LRRC37A2: variants seen among roughly 807,000 people sequenced by gnomAD.
The protein encoded by LRRC37A2 is leucine rich repeat containing 37 member A2.
A neutral mutation model predicts 68.8 loss-of-function variants in LRRC37A2; 9 were observed. That is an observed-to-expected ratio of 0.13 (90% CI 0.08 to 0.23). The LOEUF (loss-of-function observed/expected upper bound fraction) is 0.23, where lower values mean the gene tolerates loss of function less well. Among genes scored for constraint, LRRC37A2 ranks in the 10% least tolerant of loss-of-function variants. The pLI is 1.00. For missense variants in LRRC37A2, 168 were observed against 950.4 expected (o/e 0.18, Z 10.82); for synonymous variants, 63 against 367.6 (o/e 0.17, Z 9.48).
the LRRC37A2 span, chr17:46,930,475 C>T: frequency 1.3e-5 from 2 of 152,334 alleles, no homozygotes; most frequent in Admixed American, 6.5e-5. Context: ...CCGTATTTAT[C>T]GTATCTCTTT....
the LRRC37A2 span, among the ~76,000 whole-genome samples, chr17:46,947,729 A>G: frequency 6.6e-6 from 1 of 152,216 alleles, no homozygotes; most frequent in Non-Finnish European, 1.5e-5. Flanking sequence ...AAGTGGTAGC[A>G]AAAGTGCCTG....
the LRRC37A2 span, among the ~76,000 whole-genome samples, chr17:46,892,322 T>C: frequency 6.6e-5 from 10 of 152,160 alleles, no homozygotes; most frequent in African/African-American, 1.7e-4. Flanking sequence ...CCCAGACCCA[T>C]ACCTCCAATG....
chr17:46,785,352 G>A, the LRRC37A2 span, among the ~76,000 whole-genome samples: 30 of 152,208 alleles, frequency 2.0e-4, no homozygotes, highest in Non-Finnish European at 3.4e-4. Flanking sequence ...GAGTGCAGCA[G>A]GAACAGAAAG....
At chr17:46,773,529 G>T in the LRRC37A2 span, 2 of 989,524 alleles carry the variant, frequency 2.0e-6, no homozygotes, top group Non-Finnish European at 1.5e-6. Flanking sequence ...AGGTGTGGCA[G>T]TCATGCAACC....
At chr17:46,804,141 G>A in the LRRC37A2 span, among the ~76,000 whole-genome samples, 1 of 152,026 alleles carries the variant, frequency 6.6e-6, no homozygotes, top group South Asian at 2.1e-4. Flanking sequence ...AGGCTGGAGT[G>A]CAGTGGTGTG....
At chr17:46,680,213 CT>C in the LRRC37A2 span, among the ~76,000 whole-genome samples, 1 of 150,220 alleles carries the variant, frequency 6.7e-6, no homozygotes, top group African/African-American at 2.5e-5. Flanking sequence ...TGAAGATTTA[CT>C]TTTATCACAT....
the LRRC37A2 span, among the ~76,000 whole-genome samples, chr17:46,953,585 A>G: frequency 6.6e-5 from 10 of 152,316 alleles, no homozygotes; most frequent in African/African-American, 2.4e-4. Flanking sequence ...GCTGGGTCAA[A>G]TGGTATTTCT....
chr17:46,773,644 C>T, the LRRC37A2 span: 1 of 1,285,716 alleles, frequency 7.8e-7, no homozygotes, highest in Admixed American at 2.0e-5. Context: ...AGCCCCTCCC[C>T]CCCCCTCAGC....
At chr17:46,883,876 C>T in the LRRC37A2 span, among the ~76,000 whole-genome samples, 1 of 152,198 alleles carries the variant, frequency 6.6e-6, no homozygotes, top group Non-Finnish European at 1.5e-5. Context: ...CTTATCCCCC[C>T]ACTCCCATCC....
the LRRC37A2 span, chr17:46,922,941 G>C: frequency 1.7e-6 from 1 of 579,484 alleles, no homozygotes; most frequent in Admixed American, 3.0e-5. Context: ...CTAGCCTTCA[G>C]CGAACATGTA....
the LRRC37A2 span, among the ~76,000 whole-genome samples, chr17:46,839,846 G>A: frequency 6.6e-6 from 1 of 152,084 alleles, no homozygotes; most frequent in Admixed American, 6.6e-5. Flanking sequence ...TCCCTGCAAA[G>A]GACATGAACT....
At chr17:46,719,733 C>T in the LRRC37A2 span, among the ~76,000 whole-genome samples, 10 of 152,168 alleles carry the variant, frequency 6.6e-5, no homozygotes, top group Middle Eastern at 3.4e-3. The surrounding 1 kb of genome is among the most constrained non-coding windows in gnomAD (Gnocchi z 4.3). Flanking sequence ...TAGTTCTATT[C>T]GTGCCATTAA....
At chr17:46,900,648 C>A in the LRRC37A2 span, among the ~76,000 whole-genome samples, 1 of 152,118 alleles carries the variant, frequency 6.6e-6, no homozygotes, top group East Asian at 1.9e-4. Flanking sequence ...AGAGTGTATA[C>A]CCGCTTCTCG....
At chr17:46,770,845 A>T in the LRRC37A2 span, among the ~76,000 whole-genome samples, 1 of 152,226 alleles carries the variant, frequency 6.6e-6, no homozygotes, top group South Asian at 2.1e-4. Context: ...ATTCACATGG[A>T]AAGTTTTACT....
the LRRC37A2 span, among the ~76,000 whole-genome samples, chr17:46,988,920 T>G: frequency 1.3e-5 from 2 of 151,990 alleles, no homozygotes; most frequent in Non-Finnish European, 2.9e-5. Flanking sequence ...GTAAAGAAAC[T>G]AGATAATGAT....
chr17:46,467,553 T>A, the LRRC37A2 span, among the ~76,000 whole-genome samples: 2 of 102,918 alleles, frequency 1.9e-5, 1 homozygote, highest in African/African-American at 7.6e-5. Context: ...TGGTGCTGTT[T>A]TTAAAGTTGC....
the LRRC37A2 span, among the ~76,000 whole-genome samples, chr17:46,771,531 C>T: frequency 6.7e-6 from 1 of 148,846 alleles, no homozygotes; most frequent in Non-Finnish European, 1.5e-5. Flanking sequence ...AGCCTGGGAG[C>T]GGCGCTGACA....
chr17:46,541,121 C>T, intron 8 of LRRC37A2, among the ~76,000 whole-genome samples: 1 of 125,506 alleles, frequency 8.0e-6, no homozygotes, highest in Non-Finnish European at 1.6e-5. Context: ...GCAATCCCAT[C>T]CTCCCACCAT....
At chr17:46,771,951 C>T in the LRRC37A2 span, among the ~76,000 whole-genome samples, 1 of 148,598 alleles carries the variant, frequency 6.7e-6, no homozygotes. Context: ...CCGCGCCTCG[C>T]CCCTTCCGGC....
Sources: allele counts gnomAD v4.1 joint callset (sites outside exome capture counted in the v4.1 genomes callset), GRCh38; gene constraint gnomAD v4.1.1; non-coding constraint Gnocchi (gnomAD v3.1); transcripts MANE v1.5; gene names NCBI Gene and HGNC (gene_info 2026-07-23, HGNC 2026-07-21).